Variants in KCNB2 observed in about 807,000 individuals in gnomAD.
KCNB2 encodes the protein delayed rectifier potassium channel protein.
Under a neutral mutation model 61.5 loss-of-function variants are expected in KCNB2, and 15 were observed. The observed-to-expected ratio is 0.24, with a 90% confidence interval of 0.16 to 0.38. KCNB2 has a LOEUF of 0.38. Among genes scored for constraint, KCNB2 ranks in the 10% least tolerant of loss-of-function variants. The pLI is 1.00. For synonymous variants in KCNB2, 457 were observed against 446.0 expected, an observed-to-expected ratio of 1.02 and a Z score of -0.31; for missense variants, 828 against 1,125.2, an observed-to-expected ratio of 0.74 and a Z score of 3.78.
chr8:72,816,244 A>T (rs774650745), intron 2 of KCNB2, among the ~76,000 whole-genome samples: 3 of 152,184 alleles, frequency 2.0e-5, no homozygotes, highest in Admixed American at 1.3e-4. Flanking sequence ...GTTAGTGAAG[A>T]TAAGCCTCTC....
intron 2 of KCNB2, among the ~76,000 whole-genome samples, chr8:72,627,953 C>A (rs1202881654): frequency 6.6e-6 from 1 of 150,720 alleles, no homozygotes; most frequent in Non-Finnish European, 1.5e-5. Context: ...TTTTTTTTGG[C>A]TTTTTGTTTT....
At chr8:72,628,436 TGTGTGTGTGA>T (rs758675825) in intron 2 of KCNB2, among the ~76,000 whole-genome samples, 5,738 of 113,558 alleles carry the variant, frequency 0.051, 147 homozygotes, top group East Asian at 0.2. Flanking sequence ...TGTGTGTGTG[TGTGTGTGTGA>T]GATGCACTTA....
At chr8:72,757,506 C>T (rs146982041) in intron 2 of KCNB2, among the ~76,000 whole-genome samples, 103 of 151,934 alleles carry the variant, frequency 6.8e-4, no homozygotes, top group African/African-American at 2.3e-3. Context: ...GAAACTCTTA[C>T]CAATAAAGAG....
At chr8:72,691,064 C>A (rs939922900) in intron 2 of KCNB2, among the ~76,000 whole-genome samples, 1 of 152,112 alleles carries the variant, frequency 6.6e-6, no homozygotes. Flanking sequence ...TGGGCTGGTT[C>A]GACTCCCCCA....
intron 2 of KCNB2, among the ~76,000 whole-genome samples, chr8:72,624,523 T>C (rs937952380): frequency 1.3e-5 from 2 of 152,144 alleles, no homozygotes; most frequent in African/African-American, 2.4e-5. Context: ...CTCAGAGATA[T>C]GGGTTTTTTT....
At chr8:72,627,550 G>GT (rs1290108371) in intron 2 of KCNB2, among the ~76,000 whole-genome samples, 5 of 151,932 alleles carry the variant, frequency 3.3e-5, no homozygotes, top group Admixed American at 6.6e-5. Context: ...AAAATGTCTT[G>GT]TTTTTTTTAT....
At chr8:72,663,214 G>A (rs1806409227) in intron 2 of KCNB2, among the ~76,000 whole-genome samples, 1 of 151,878 alleles carries the variant, frequency 6.6e-6, no homozygotes. Flanking sequence ...TGCACAACTA[G>A]TAGACACTTG....
chr8:72,776,439 A>G (rs1452514562), intron 2 of KCNB2, among the ~76,000 whole-genome samples: 1 of 152,208 alleles, frequency 6.6e-6, no homozygotes, highest in African/African-American at 2.4e-5. Context: ...TGTTTTTAAA[A>G]ACACATTGCT....
At chr8:72,932,416 G>A (rs566507114) in intron 2 of KCNB2, among the ~76,000 whole-genome samples, 54 of 152,290 alleles carry the variant, frequency 3.5e-4, no homozygotes, top group Middle Eastern at 3.4e-3. Flanking sequence ...AGGTGCTGGG[G>A]TGGTTACCCT....
intron 2 of KCNB2, among the ~76,000 whole-genome samples, chr8:72,720,391 T>C (rs1807527916): frequency 6.6e-6 from 1 of 152,206 alleles, no homozygotes; most frequent in African/African-American, 2.4e-5. Flanking sequence ...CACCTGACAG[T>C]GGTTTCTCTA....
At chr8:72,738,312 G>A (rs1807884856) in intron 2 of KCNB2, among the ~76,000 whole-genome samples, 1 of 145,358 alleles carries the variant, frequency 6.9e-6, no homozygotes. Context: ...TTTATTAGAA[G>A]TTTGTGCCGA....
At chr8:72,807,028 A>G (rs984943793) in intron 2 of KCNB2, among the ~76,000 whole-genome samples, 8 of 152,270 alleles carry the variant, frequency 5.3e-5, no homozygotes, top group East Asian at 3.9e-4. Flanking sequence ...AAAGATTGGC[A>G]TGAAGGAAAT....
chr8:72,831,253 C>T (rs1476650481), intron 2 of KCNB2, among the ~76,000 whole-genome samples: 2 of 152,304 alleles, frequency 1.3e-5, no homozygotes, highest in South Asian at 2.1e-4. Context: ...CTCATTTATA[C>T]TTGTATTATA....
At position 72,937,128 on chromosome 8, in the gene KCNB2, C is replaced by T. The variant is rs146092769; in HGVS notation, c.1773C>T (p.Thr591=). The change falls in exon 3 of 3, where the codon ACC becomes ACT. Residue 591 remains threonine, a synonymous_variant. Coordinates refer to ENST00000523207, the MANE Select transcript of KCNB2 (RefSeq NM_004770.3). ...CPQEQLAVAQ[T]EVIVDMKSTS... is the part of the protein sequence containing the mutation. ...AGGAGCAGCTGGCCGTGGCACAGAC[C>T]GAGGTCATTGTGGACATGAAGAGCA... The T allele has an allele frequency of 5.4e-5, 87 of 1,613,964 alleles. No individual in the cohort carries two copies. The highest frequency in any genetic ancestry group is 6.4e-5 in the Non-Finnish European group (76 of 1,180,020).
intron 2 of KCNB2, among the ~76,000 whole-genome samples, chr8:72,600,625 G>C (rs1053574926): frequency 2.0e-5 from 3 of 151,492 alleles, no homozygotes; most frequent in Admixed American, 6.6e-5. Context: ...AAGAAAATGT[G>C]GTATGTATAC....
At chr8:72,856,832 T>C (rs1810215634) in intron 2 of KCNB2, among the ~76,000 whole-genome samples, 2 of 152,196 alleles carry the variant, frequency 1.3e-5, no homozygotes, top group Admixed American at 1.3e-4. Context: ...ACATTTCTCC[T>C]CTTGCCCCAG....
rs1563523313 is a variant in KCNB2, at chr8:72,561,703, A to ATG, written c.-93-5938_-93-5937insGT. Among the ~76,000 whole-genome samples, 36 of 20,518 alleles carry ATG rather than the reference A, an allele frequency of 1.8e-3. 1 individual carries two copies. The highest frequency in any genetic ancestry group is 8.2e-3 in the African/African-American group (17 of 2,080). The allele number at this position is 20,518 out of a possible 152,430, so 13.5% of individuals were successfully genotyped here. The stretch of plus-strand genomic sequence containing the variant: ...CAGGATCTTACTTTTATATATATAT[A>ATG]TATATATATATATATATATATATAT... On this transcript the variant is annotated intron_variant, in intron 1 of 2. Coordinates refer to ENST00000523207, the MANE Select transcript of KCNB2 (RefSeq NM_004770.3).
chr8:72,868,930 G>T (rs978702243), intron 2 of KCNB2, among the ~76,000 whole-genome samples: 1 of 152,142 alleles, frequency 6.6e-6, no homozygotes, highest in African/African-American at 2.4e-5. Flanking sequence ...CAACAGGAAA[G>T]TCTCTTCCTT....
intron 2 of KCNB2, among the ~76,000 whole-genome samples, chr8:72,902,795 T>G (rs1403397657): frequency 2.6e-5 from 4 of 152,222 alleles, no homozygotes; most frequent in African/African-American, 4.8e-5. Flanking sequence ...TCTGTGATTT[T>G]GTCTGACAGT....
Sources: allele counts gnomAD v4.1 joint callset (sites outside exome capture counted in the v4.1 genomes callset), GRCh38; gene constraint gnomAD v4.1.1; transcripts MANE v1.5; gene names NCBI Gene and HGNC (gene_info 2026-07-23, HGNC 2026-07-21).